The following CNTNAP2 variants were observed in gnomAD, a reference collection of about 807,000 sequenced individuals.
CNTNAP2 encodes contactin-associated protein-like 2.
A neutral mutation model predicts 155.2 loss-of-function variants in CNTNAP2; 98 were observed. That is an observed-to-expected ratio of 0.63 (90% CI 0.54 to 0.75). The LOEUF is 0.75. Ranked by LOEUF, CNTNAP2 falls within the 30% of genes least tolerant of loss-of-function variation. The probability of loss-of-function intolerance (pLI) is 0.00; values close to 1 mark genes in which losing one functional copy is unlikely to be tolerated. For synonymous variants in CNTNAP2, 651 were observed against 631.2 expected (o/e 1.03, Z -0.47); for missense variants, 1,727 against 1,688.1 (o/e 1.02, Z -0.40).
chr7:146,161,744 C>T (rs1798225813), intron 1 of CNTNAP2, among the ~76,000 whole-genome samples: 1 of 152,156 alleles, frequency 6.6e-6, no homozygotes, highest in African/African-American at 2.4e-5. Flanking sequence ...ATGCATCACG[C>T]TACCTGACTT....
At chr7:147,486,358 T>C (rs759647438) in intron 11 of CNTNAP2, among the ~76,000 whole-genome samples, 1 of 152,154 alleles carries the variant, frequency 6.6e-6, no homozygotes, top group African/African-American at 2.4e-5. Flanking sequence ...TTGGGTCGAT[T>C]GTTTGGGAAA....
intron 13 of CNTNAP2, among the ~76,000 whole-genome samples, chr7:147,706,575 C>T (rs1796320433): frequency 6.6e-6 from 1 of 152,076 alleles, no homozygotes; most frequent in African/African-American, 2.4e-5. Flanking sequence ...TTGTCTTTGA[C>T]TTTTGACAGT....
chr7:147,424,345 C>T (rs1797344946), intron 10 of CNTNAP2, among the ~76,000 whole-genome samples: 1 of 152,176 alleles, frequency 6.6e-6, no homozygotes, highest in South Asian at 2.1e-4. Context: ...CATCAGCAAT[C>T]TGCATGCTGC....
At chr7:147,088,856 A>T (rs955359222) in intron 4 of CNTNAP2, among the ~76,000 whole-genome samples, 4 of 152,154 alleles carry the variant, frequency 2.6e-5, no homozygotes, top group Non-Finnish European at 4.4e-5. Context: ...AGGCAGGAAG[A>T]TTGCTTGAGC....
At chr7:147,636,856 AG>A (rs1222802826) in intron 12 of CNTNAP2, among the ~76,000 whole-genome samples, 5 of 152,200 alleles carry the variant, frequency 3.3e-5, no homozygotes, top group African/African-American at 1.2e-4. Flanking sequence ...AGAAAATTAA[AG>A]CAGGAAGAGG....
intron 1 of CNTNAP2, among the ~76,000 whole-genome samples, chr7:146,161,576 G>T (rs577892344): frequency 2.6e-5 from 4 of 152,094 alleles, no homozygotes; most frequent in African/African-American, 4.8e-5. Context: ...TTGTGAAAAT[G>T]GCCATACTAC....
chr7:146,686,474 A>T (rs1800602591), intron 1 of CNTNAP2, among the ~76,000 whole-genome samples: 1 of 152,180 alleles, frequency 6.6e-6, no homozygotes, highest in Admixed American at 6.5e-5. Flanking sequence ...ATTAGGGAAT[A>T]AATATGTGCT....
Position 147,627,423 on chromosome 7 carries a change from C to A in CNTNAP2, c.1898-11683C>A, listed in dbSNP as rs569468121. On this transcript the variant is annotated intron_variant, in intron 12 of 23. Transcript: ENST00000361727. ...TTAAAGATATTAAAACAAGGTGGGG[C>A]ATGGTGGCTCACGCCTGAAATCCCA... Among the ~76,000 whole-genome samples, 6 of 152,164 alleles carry A rather than the reference C, an allele frequency of 3.9e-5. No individual in the cohort carries two copies. The East Asian group carries it at 7.8e-4, about 20-fold the overall frequency.
intron 8 of CNTNAP2, among the ~76,000 whole-genome samples, chr7:147,134,706 A>G (rs890570012): frequency 3.3e-5 from 5 of 151,986 alleles, no homozygotes; most frequent in South Asian, 4.1e-4. Flanking sequence ...ATCAAATTCA[A>G]TTAAATGTGT....
intron 13 of CNTNAP2, among the ~76,000 whole-genome samples, chr7:147,723,179 A>G (rs1563065623): frequency 6.6e-6 from 1 of 151,982 alleles, no homozygotes; most frequent in African/African-American, 2.4e-5. Flanking sequence ...GAAAAAAAAA[A>G]TTCTTGCATT....
At chr7:147,311,515 C>T (rs1795125641) in intron 9 of CNTNAP2, among the ~76,000 whole-genome samples, 1 of 152,126 alleles carries the variant, frequency 6.6e-6, no homozygotes, top group African/African-American at 2.4e-5. Context: ...GGCAGCGTGG[C>T]CTCAGCTGGT....
chr7:146,454,213 T>C (rs939539319), intron 1 of CNTNAP2, among the ~76,000 whole-genome samples: 1 of 152,186 alleles, frequency 6.6e-6, no homozygotes, highest in Non-Finnish European at 1.5e-5. Context: ...TTTTATCAAA[T>C]AAAATCATTT....
At chr7:147,643,378 A>G (rs763980421) in intron 13 of CNTNAP2, 1 of 152,152 alleles carries the variant, frequency 6.6e-6, no homozygotes, top group Non-Finnish European at 1.5e-5. Context: ...CCCAATTTTC[A>G]TTTTCCAGGC....
chr7:146,356,972 C>T (rs1024073009), intron 1 of CNTNAP2, among the ~76,000 whole-genome samples: 1 of 152,156 alleles, frequency 6.6e-6, no homozygotes, highest in Admixed American at 6.5e-5. Flanking sequence ...TCCCTCATCT[C>T]ATCAAGCACA....
chr7:148,215,138 T>C (rs961947548), intron 18 of CNTNAP2, among the ~76,000 whole-genome samples: 1 of 152,180 alleles, frequency 6.6e-6, no homozygotes, highest in African/African-American at 2.4e-5. Context: ...TGTGTCAACA[T>C]AATTAACAGA....
intron 21 of CNTNAP2, among the ~76,000 whole-genome samples, chr7:148,326,980 C>T (rs1345163787): frequency 6.6e-6 from 1 of 152,168 alleles, no homozygotes; most frequent in Non-Finnish European, 1.5e-5. Flanking sequence ...AAGGCAGCTT[C>T]CTTCTGCTCA....
chr7:147,345,519 A>C (rs1488506770), intron 9 of CNTNAP2, among the ~76,000 whole-genome samples: 3 of 152,120 alleles, frequency 2.0e-5, no homozygotes, highest in Non-Finnish European at 4.4e-5. Context: ...TTGTGAAGTG[A>C]ATGTTAAGTT....
At chr7:147,005,897 T>TTTAGAC (rs1227826925) in intron 3 of CNTNAP2, among the ~76,000 whole-genome samples, 1 of 151,978 alleles carries the variant, frequency 6.6e-6, no homozygotes, top group East Asian at 1.9e-4. Flanking sequence ...TATTTTGGGG[T>TTTAGAC]ATCCTATCCT....
At chr7:147,830,860 C>T (rs1420622173) in intron 13 of CNTNAP2, among the ~76,000 whole-genome samples, 4 of 152,322 alleles carry the variant, frequency 2.6e-5, no homozygotes, top group Non-Finnish European at 4.4e-5. Context: ...TATGAGTAAG[C>T]ATGGTGAAAA....
Sources: allele counts gnomAD v4.1 joint callset (sites outside exome capture counted in the v4.1 genomes callset), GRCh38; gene constraint gnomAD v4.1.1; transcripts MANE v1.5; gene names NCBI Gene and HGNC (gene_info 2026-07-23, HGNC 2026-07-21).